The following PATJ variants were observed in gnomAD, a reference collection of about 807,000 sequenced individuals.
PATJ encodes the protein PATJ crumbs cell polarity complex component.
In PATJ, 190 loss-of-function variants were observed where a neutral mutation model predicts 224.9. That is an observed-to-expected ratio of 0.84 (90% confidence interval 0.75 to 0.95). PATJ has a LOEUF of 0.95. Among genes scored for constraint, PATJ ranks in the 40% least tolerant of loss-of-function variants. The pLI is 0.00. For missense variants in PATJ, 2,121 were observed against 2,270.3 expected, an observed-to-expected ratio of 0.93 and a Z score of 1.34; for synonymous variants, 769 against 820.3, an observed-to-expected ratio of 0.94 and a Z score of 1.07.
intron 28 of PATJ, among the ~76,000 whole-genome samples, chr1:61,994,556 C>CT (rs539282826): frequency 0.013 from 1,856 of 145,034 alleles, 13 homozygotes; most frequent in Middle Eastern, 0.043. Context: ...ATACAGGATT[C>CT]TTTTTTTTTT....
intron 21 of PATJ, among the ~76,000 whole-genome samples, chr1:61,881,200 A>G (rs1242913148): frequency 6.6e-6 from 1 of 152,182 alleles, no homozygotes; most frequent in African/African-American, 2.4e-5. Context: ...GACAGAGAAA[A>G]GCATCATGTT....
At chr1:61,949,996 T>A in intron 27 of PATJ, among the ~76,000 whole-genome samples, 1 of 152,102 alleles carries the variant, frequency 6.6e-6, no homozygotes, top group East Asian at 1.9e-4. Context: ...GGTCAAGAGT[T>A]CGAAACCAGC....
chr1:61,907,605 C>T (rs1196664823), intron 24 of PATJ, among the ~76,000 whole-genome samples: 1 of 152,198 alleles, frequency 6.6e-6, no homozygotes, highest in Admixed American at 6.5e-5. Context: ...TCCCTTTCCA[C>T]CCACATTCCT....
At chr1:62,095,805 G>T (rs1018918414) in intron 33 of PATJ, among the ~76,000 whole-genome samples, 1 of 152,160 alleles carries the variant, frequency 6.6e-6, no homozygotes, top group Non-Finnish European at 1.5e-5. Context: ...AACCATTGCT[G>T]CTAGGGGAAA....
chr1:61,876,811 T>G (rs1377523150), intron 21 of PATJ, among the ~76,000 whole-genome samples: 1 of 152,172 alleles, frequency 6.6e-6, no homozygotes, highest in Non-Finnish European at 1.5e-5. Context: ...TAGAAATCAT[T>G]GTTGAGAACC....
intron 1 of PATJ, among the ~76,000 whole-genome samples, chr1:61,743,122 C>T (rs1011374570): frequency 1.8e-4 from 27 of 152,306 alleles, no homozygotes; most frequent in African/African-American, 3.1e-4. Context: ...CCGGCCGCGT[C>T]GCGGCGCCTG....
intron 31 of PATJ, chr1:62,072,671 G>A (rs1175509551): frequency 2.0e-5 from 3 of 149,102 alleles, no homozygotes; most frequent in Non-Finnish European, 4.4e-5. Context: ...CCCCTGTGCT[G>A]ATTAGCAGTG....
intron 41 of PATJ, among the ~76,000 whole-genome samples, chr1:62,147,964 A>G: frequency 6.6e-6 from 1 of 151,236 alleles, no homozygotes; most frequent in South Asian, 2.1e-4. Context: ...ACTGTCTCAA[A>G]AAAAAAATTA....
At chr1:61,770,473 G>A (rs966482985) in intron 5 of PATJ, among the ~76,000 whole-genome samples, 5 of 152,166 alleles carry the variant, frequency 3.3e-5, no homozygotes, top group Non-Finnish European at 7.4e-5. Flanking sequence ...TACTTTAAAA[G>A]GTGATTGTGA....
chr1:62,150,432 G>C (rs1196945810), intron 42 of PATJ, among the ~76,000 whole-genome samples: 1 of 152,144 alleles, frequency 6.6e-6, no homozygotes, highest in Non-Finnish European at 1.5e-5. Context: ...AGAGGGTCCT[G>C]TGAAACCATG....
chr1:61,774,051 T>G (rs1429166636), intron 6 of PATJ, among the ~76,000 whole-genome samples: 2 of 125,974 alleles, frequency 1.6e-5, no homozygotes, highest in Admixed American at 9.7e-5. Context: ...ACCTGGGAGG[T>G]GGAGCTTGCA....
At chr1:62,152,556 CAGG>C (rs1668734687) in intron 42 of PATJ, among the ~76,000 whole-genome samples, 1 of 151,944 alleles carries the variant, frequency 6.6e-6, no homozygotes, top group South Asian at 2.1e-4. Context: ...GAGGCTAAGG[CAGG>C]AGAATTGCTT....
rs146903768 is a variant in PATJ, at chr1:61,994,799, C to T, written c.3867+4435C>T. 8.1e-3 allele frequency among the ~76,000 whole-genome samples: 1,235 copies of T among 152,268 alleles called. 24 individuals are homozygous for T. Among genetic ancestry groups the T allele is most frequent in the African/African-American group, 0.028 (1,171 of 41,550 alleles). ...AAACTCCTGATCTCAGGTGATCCAC[C>T]TGCCTCAGCCTCTCAAAGTGCTGGG... On this transcript the variant is annotated intron_variant, in intron 28 of 43. Transcript: ENST00000642238.
intron 40 of PATJ, 114 bp downstream of exon 40, chr1:62,128,208 G>C (rs1665923855): frequency 2.5e-6 from 3 of 1,202,232 alleles, no homozygotes; most frequent in Non-Finnish European, 3.6e-6. Context: ...AGAGACCCAG[G>C]CTGAGGGCAA....
intron 9 of PATJ, among the ~76,000 whole-genome samples, chr1:61,792,061 A>T (rs1206915272): frequency 6.6e-6 from 1 of 152,192 alleles, no homozygotes; most frequent in East Asian, 1.9e-4. Context: ...TGCTAATAAT[A>T]TGAAAATTCA....
intron 8 of PATJ, 48 bp downstream of exon 8, chr1:61,788,020 A>C: frequency 1.4e-6 from 2 of 1,427,918 alleles, no homozygotes; most frequent in Non-Finnish European, 2.0e-6. Flanking sequence ...CCTGGGTGTG[A>C]CACACTGTAA....
intron 31 of PATJ, among the ~76,000 whole-genome samples, chr1:62,076,504 G>A (rs1453975828): frequency 6.6e-6 from 1 of 152,144 alleles, no homozygotes; most frequent in Non-Finnish European, 1.5e-5. Flanking sequence ...ATGAGTCATG[G>A]GAACACTCCT....
At chr1:61,962,829 C>A (rs542797426) in intron 27 of PATJ, among the ~76,000 whole-genome samples, 1 of 152,270 alleles carries the variant, frequency 6.6e-6, no homozygotes, top group South Asian at 2.1e-4. Flanking sequence ...CTCCATCCTC[C>A]ATGTCACCTC....
At chr1:61,962,170 G>A (rs1010915146) in intron 27 of PATJ, among the ~76,000 whole-genome samples, 8 of 151,990 alleles carry the variant, frequency 5.3e-5, no homozygotes, top group Admixed American at 2.6e-4. Flanking sequence ...AGCCTACCAT[G>A]ATATTATCAT....
Sources: allele counts gnomAD v4.1 joint callset (sites outside exome capture counted in the v4.1 genomes callset), GRCh38; gene constraint gnomAD v4.1.1; transcripts MANE v1.5; gene names NCBI Gene and HGNC (gene_info 2026-07-23, HGNC 2026-07-21).